DENND1B: variants seen among roughly 807,000 people sequenced by gnomAD.
DENND1B encodes the protein DENN domain containing 1B.
DENND1B carries 59 observed loss-of-function variants against 90.1 expected under a neutral mutation model. The observed-to-expected ratio is 0.65, with a 90% CI of 0.53 to 0.81. The LOEUF is 0.81. Ranked by LOEUF, DENND1B falls within the 40% of genes least tolerant of loss-of-function variation. The pLI is 0.00. For synonymous variants in DENND1B, 337 were observed against 324.6 expected (o/e 1.04, Z -0.41); for missense variants, 862 against 912.6 (o/e 0.94, Z 0.71).
At chr1:197,673,040 A>G (rs1421357913) in intron 4 of DENND1B, among the ~76,000 whole-genome samples, 2 of 152,056 alleles carry the variant, frequency 1.3e-5, no homozygotes, top group Non-Finnish European at 2.9e-5. Context: ...GAAATAAATT[A>G]CTGCCAGTAT....
chr1:197,578,515 G>C (rs1673899216), intron 15 of DENND1B, among the ~76,000 whole-genome samples: 1 of 152,048 alleles, frequency 6.6e-6, no homozygotes, highest in Non-Finnish European at 1.5e-5. Flanking sequence ...AAAGTGCTGG[G>C]ATCACCAGCA....
At position 197,645,686 on chromosome 1, in the gene DENND1B, T is replaced by G; in HGVS notation, c.561+4A>C. On this transcript the variant is annotated splice_donor_region_variant and intron_variant, in intron 9 of 22. Transcript: ENST00000620048. ...ATAATTAAAGTAGAAAATAGGAAAC[T>G]TACACTCTCGGGTATTGTTGGGAGT... 1 of 1,529,660 alleles carries G rather than the reference T, an allele frequency of 6.5e-7. No individual in the cohort carries two copies. The highest frequency in any genetic ancestry group is 8.8e-7 in the Non-Finnish European group (1 of 1,136,358). 94.8% of individuals were successfully genotyped at this position (1,529,660 alleles called of 1,614,324 possible).
At chr1:197,664,236 G>T (rs1008654691) in intron 5 of DENND1B, among the ~76,000 whole-genome samples, 4 of 151,916 alleles carry the variant, frequency 2.6e-5, no homozygotes, top group African/African-American at 9.7e-5. Flanking sequence ...GTCAAAGTCT[G>T]TATTCTTACA....
intron 20 of DENND1B, among the ~76,000 whole-genome samples, chr1:197,527,285 G>A (rs529564660): frequency 1.3e-5 from 2 of 151,078 alleles, no homozygotes; most frequent in African/African-American, 4.8e-5. Context: ...TATTTCAAAA[G>A]AGTTGATCAC....
At chr1:197,556,319 T>C (rs909435474) in intron 15 of DENND1B, among the ~76,000 whole-genome samples, 1 of 151,978 alleles carries the variant, frequency 6.6e-6, no homozygotes, top group African/African-American at 2.4e-5. Flanking sequence ...AACATACCCA[T>C]GTACCAAACC....
chr1:197,546,801 GA>G (rs1460240083), intron 16 of DENND1B, 28 bp from the exon 17 acceptor site: 1 of 1,530,318 alleles, frequency 6.5e-7, no homozygotes, highest in Non-Finnish European at 8.8e-7. Context: ...GAGATGCCAG[GA>G]ATGGTTGATC....
chr1:197,674,009 G>T, intron 4 of DENND1B, 111 bp downstream of exon 4: 2 of 748,644 alleles, frequency 2.7e-6, no homozygotes, highest in Non-Finnish European at 2.2e-6. Context: ...GCCTTTTTGT[G>T]AGAAGCAATA....
chr1:197,713,724 T>TA (rs1286511638), intron 3 of DENND1B, among the ~76,000 whole-genome samples: 2 of 67,136 alleles, frequency 3.0e-5, no homozygotes, highest in Non-Finnish European at 6.0e-5. Context: ...CTCTAAAACT[T>TA]AGAGTATAAT....
intron 7 of DENND1B, 44 bp from the exon 8 acceptor site, chr1:197,647,158 G>C: frequency 7.5e-7 from 1 of 1,325,912 alleles, no homozygotes; most frequent in Non-Finnish European, 9.9e-7. Context: ...TACTTTCATG[G>C]GAGAAGCTTA....
chr1:197,776,220 A>T (rs1396565626), upstream of DENND1B, among the ~76,000 whole-genome samples: 1 of 152,090 alleles, frequency 6.6e-6, no homozygotes, highest in Non-Finnish European at 1.5e-5. Flanking sequence ...GGTTATGTGC[A>T]CTCTCACCCA....
intron 20 of DENND1B, among the ~76,000 whole-genome samples, chr1:197,519,887 A>G (rs1279797293): frequency 6.6e-6 from 1 of 151,830 alleles, no homozygotes; most frequent in African/African-American, 2.4e-5. Flanking sequence ...ACTTGCAGTT[A>G]TCCTCTTAAT....
chr1:197,745,776 A>C (rs1663682234), intron 2 of DENND1B, among the ~76,000 whole-genome samples: 1 of 151,818 alleles, frequency 6.6e-6, no homozygotes, highest in Non-Finnish European at 1.5e-5. Flanking sequence ...CATGGCTGAG[A>C]AAGATACTTA....
intron 15 of DENND1B, among the ~76,000 whole-genome samples, chr1:197,569,595 C>CAA (rs1231117960): frequency 1.4e-5 from 2 of 138,056 alleles, no homozygotes; most frequent in African/African-American, 5.4e-5. Flanking sequence ...CACACACACA[C>CAA]AATGGAACAC....
intron 7 of DENND1B, 27 bp downstream of exon 7, chr1:197,652,208 A>C (rs757113730): frequency 6.0e-5 from 96 of 1,591,700 alleles, no homozygotes; most frequent in Non-Finnish European, 7.6e-5. Context: ...TATGACTCCC[A>C]AAAACAATTA....
intron 20 of DENND1B, among the ~76,000 whole-genome samples, chr1:197,521,449 T>G (rs578201040): frequency 4.6e-5 from 7 of 152,056 alleles, no homozygotes; most frequent in South Asian, 2.1e-4. Flanking sequence ...TATAACTTTT[T>G]AGACATAAGA....
At chr1:197,526,577 A>G (rs1479074647) in intron 20 of DENND1B, among the ~76,000 whole-genome samples, 1 of 152,162 alleles carries the variant, frequency 6.6e-6, no homozygotes, top group Non-Finnish European at 1.5e-5. Flanking sequence ...TTTTGTTTCA[A>G]GACATTGTAA....
intron 11 of DENND1B, among the ~76,000 whole-genome samples, chr1:197,614,945 A>G (rs1343736460): frequency 6.6e-6 from 1 of 150,950 alleles, no homozygotes; most frequent in Non-Finnish European, 1.5e-5. Flanking sequence ...AACATCATAG[A>G]CTTGCCACAT....
At chr1:197,686,392 C>A (rs1245091592) in intron 3 of DENND1B, among the ~76,000 whole-genome samples, 1 of 152,002 alleles carries the variant, frequency 6.6e-6, no homozygotes, top group East Asian at 1.9e-4. Flanking sequence ...ATAGTTATTC[C>A]TTTCACTGAA....
intron 2 of DENND1B, 149 bp downstream of exon 2, chr1:197,772,719 G>A: frequency 1.6e-6 from 1 of 637,396 alleles, no homozygotes; most frequent in Non-Finnish European, 2.7e-6. Context: ...CAGCTACTCG[G>A]GAGGCTGAGG....
Sources: allele counts gnomAD v4.1 joint callset (sites outside exome capture counted in the v4.1 genomes callset), GRCh38; gene constraint gnomAD v4.1.1; transcripts MANE v1.5; gene names NCBI Gene and HGNC (gene_info 2026-07-23, HGNC 2026-07-21).